Variants in STAG2 observed in about 807,000 individuals in gnomAD.
The protein encoded by STAG2 is cohesin subunit SA-2.
Under a neutral mutation model 108.1 loss-of-function variants are expected in STAG2, and 14 were observed. That is an observed-to-expected ratio of 0.13 (90% confidence interval 0.09 to 0.20). STAG2 has a LOEUF of 0.20. Ranked by LOEUF, STAG2 falls within the 10% of genes least tolerant of loss-of-function variation. STAG2 has a pLI of 1.00. For synonymous variants in STAG2, 307 were observed against 302.7 expected, an observed-to-expected ratio of 1.01 and a Z score of -0.15; for missense variants, 440 against 940.9, an observed-to-expected ratio of 0.47 and a Z score of 6.96.
intron 1 of STAG2, among the ~76,000 whole-genome samples, chrX:123,981,818 G>T (rs2054892609): frequency 9.0e-6 from 1 of 111,602 alleles, no homozygotes; most frequent in Admixed American, 9.6e-5. Flanking sequence ...AGGGAAAAAA[G>T]ATGTTAAATA....
At chrX:123,994,051 G>A (rs923095316) in intron 1 of STAG2, among the ~76,000 whole-genome samples, 1 of 111,737 alleles carries the variant, frequency 8.9e-6, no homozygotes, top group African/African-American at 3.3e-5. Context: ...AGAGGTTTTA[G>A]CTCAGTGTTC....
intron 5 of STAG2, among the ~76,000 whole-genome samples, chrX:124,035,642 A>G (rs1393571752): frequency 8.9e-6 from 1 of 112,405 alleles, no homozygotes; most frequent in Non-Finnish European, 1.9e-5. Flanking sequence ...TAACACAGTT[A>G]GGGACTATAA....
intron 1 of STAG2, among the ~76,000 whole-genome samples, chrX:123,964,410 T>C: frequency 8.9e-6 from 1 of 112,336 alleles, no homozygotes; most frequent in Non-Finnish European, 1.9e-5. Context: ...TTTGCAATTT[T>C]TGTAAATTCT....
intron 1 of STAG2, among the ~76,000 whole-genome samples, chrX:123,971,469 A>C (rs2147537225): frequency 8.9e-6 from 1 of 112,151 alleles, no homozygotes; most frequent in East Asian, 2.8e-4. Flanking sequence ...ATGGGAATGA[A>C]AGTGATTTAA....
intron 24 of STAG2, 79 bp downstream of exon 24, chrX:124,068,735 TACTA>T (rs1423689259): frequency 4.9e-5 from 33 of 676,486 alleles, no homozygotes; most frequent in Non-Finnish European, 7.1e-5. Flanking sequence ...GTTTAAATAA[TACTA>T]AGATTGAGCA....
At chrX:124,026,169 ATAC>A (rs1005225993) in intron 4 of STAG2, among the ~76,000 whole-genome samples, 5 of 102,474 alleles carry the variant, frequency 4.9e-5, no homozygotes, top group African/African-American at 1.8e-4. Flanking sequence ...AATAATAATA[ATAC>A]ATTTCCAGTA....
intron 1 of STAG2, among the ~76,000 whole-genome samples, chrX:123,997,626 CTTGG>C (rs927158214): frequency 8.9e-6 from 1 of 112,336 alleles, no homozygotes; most frequent in African/African-American, 3.2e-5. Context: ...AAGGTTTATC[CTTGG>C]TTGGTTGGTT....
upstream of STAG2, chrX:123,961,277 C>T (rs1373680900): frequency 9.6e-6 from 1 of 103,904 alleles, no homozygotes; most frequent in African/African-American, 3.6e-5. Flanking sequence ...TCGCCCAACT[C>T]TCCCTCGGGG....
intron 1 of STAG2, among the ~76,000 whole-genome samples, chrX:124,003,275 A>C (rs1458944369): frequency 9.1e-6 from 1 of 110,229 alleles, no homozygotes; most frequent in Non-Finnish European, 1.9e-5. Context: ...CCCACACCTG[A>C]TATTTTTAAT....
intron 1 of STAG2, among the ~76,000 whole-genome samples, chrX:124,002,183 C>T (rs1015672985): frequency 3.6e-5 from 4 of 112,126 alleles, no homozygotes; most frequent in Admixed American, 9.5e-5. Context: ...TGCCACTGCA[C>T]TGTAGTCTGG....
intron 2 of STAG2, among the ~76,000 whole-genome samples, chrX:124,022,051 AG>A (rs1162260952): frequency 2.7e-5 from 3 of 110,977 alleles, no homozygotes; most frequent in Non-Finnish European, 5.7e-5. Context: ...TGGGGCTGCG[AG>A]TGTTACAACA....
intron 26 of STAG2, 42 bp from the exon 27 acceptor site, chrX:124,077,915 T>C (rs775496063): frequency 2.8e-5 from 26 of 936,141 alleles, no homozygotes; most frequent in Non-Finnish European, 3.6e-5. Context: ...TGTCAAGTAG[T>C]TTTAAGAGAT....
intron 1 of STAG2, among the ~76,000 whole-genome samples, chrX:123,986,551 A>G (rs1472858005): frequency 1.8e-5 from 2 of 111,842 alleles, no homozygotes; most frequent in Non-Finnish European, 3.8e-5. Context: ...AAGAGCACCT[A>G]TGACACCTTT....
At chrX:123,988,165 TA>T (rs1424831196) in intron 1 of STAG2, among the ~76,000 whole-genome samples, 2 of 111,975 alleles carry the variant, frequency 1.8e-5, no homozygotes, top group African/African-American at 6.5e-5. Context: ...GCATTGGCAT[TA>T]AAACAGTCAG....
rs751411598 is a variant in STAG2, at chrX:124,048,988, G to T, written c.820-17G>T. 8.6e-7 allele frequency: 1 copy of T among 1,157,609 alleles called. No individual in the cohort carries two copies. The highest frequency in any genetic ancestry group is 1.2e-6 in the Non-Finnish European group (1 of 848,513). On this transcript the variant is annotated splice_polypyrimidine_tract_variant and intron_variant, in intron 9 of 34. Coordinates refer to ENST00000371145, the MANE Select transcript of STAG2 (RefSeq NM_001042750.2). ...TCTTCCTTTACAATTGAAAAGAAAT[G>T]ATGTGTTTTTTTACAGCTTCAGGAA...
intron 33 of STAG2, 53 bp downstream of exon 33, chrX:124,094,197 T>G: frequency 9.0e-7 from 1 of 1,114,337 alleles, no homozygotes; most frequent in East Asian, 3.0e-5. Flanking sequence ...TTTTGAAAAT[T>G]ATGTTGGATA....
chrX:124,042,505 C>G (rs964233454), intron 6 of STAG2, 64 bp from the exon 7 acceptor site: 25 of 806,623 alleles, frequency 3.1e-5, no homozygotes, highest in Non-Finnish European at 4.5e-5. Context: ...TAGAGACTTA[C>G]TTGGAAGTTT....
At chrX:124,090,027 A>G (rs1447150547) in intron 30 of STAG2, among the ~76,000 whole-genome samples, 1 of 108,142 alleles carries the variant, frequency 9.2e-6, no homozygotes, top group Non-Finnish European at 1.9e-5. Flanking sequence ...CAGACATGGT[A>G]ATGCATTCCT....
chrX:124,097,179 C>CAAA (rs56942682), intron 34 of STAG2, among the ~76,000 whole-genome samples: 1,253 of 37,742 alleles, frequency 0.033, 127 homozygotes, highest in African/African-American at 0.076. Flanking sequence ...GACCCTGTCT[C>CAAA]AAAAAAAAAA....
Sources: allele counts gnomAD v4.1 joint callset (sites outside exome capture counted in the v4.1 genomes callset), GRCh38; gene constraint gnomAD v4.1.1; transcripts MANE v1.5; gene names NCBI Gene and HGNC (gene_info 2026-07-23, HGNC 2026-07-21).